The following CDH13 variants were observed in gnomAD, a reference collection of about 807,000 sequenced individuals.
The protein encoded by CDH13 is cadherin-13.
CDH13 carries 24 observed loss-of-function variants against 63.8 expected under a neutral mutation model. The ratio of observed to expected loss-of-function variants is 0.38; its 90% confidence interval spans 0.27 to 0.53. CDH13 has a LOEUF of 0.53. CDH13 is among the 20% of genes least tolerant of loss of function. The probability of loss-of-function intolerance (pLI) is 0.85; values close to 1 mark genes in which losing one functional copy is unlikely to be tolerated. For missense variants in CDH13, 1,049 were observed against 903.1 expected, an observed-to-expected ratio of 1.16 and a Z score of -2.07; for synonymous variants, 503 against 355.3, an observed-to-expected ratio of 1.42 and a Z score of -4.67.
chr16:82,874,529 C>G (rs1172983382), intron 2 of CDH13, among the ~76,000 whole-genome samples: 1 of 151,972 alleles, frequency 6.6e-6, no homozygotes, highest in Non-Finnish European at 1.5e-5. Context: ...ATCCAGGCTT[C>G]TCTTAACTGT....
intron 7 of CDH13, among the ~76,000 whole-genome samples, chr16:83,548,924 C>G (rs1035776741): frequency 6.6e-6 from 1 of 152,190 alleles, no homozygotes; most frequent in African/African-American, 2.4e-5. Context: ...AGAATTTCAT[C>G]TGAGTATTTT....
At chr16:83,091,522 T>A (rs1445932532) in intron 3 of CDH13, among the ~76,000 whole-genome samples, 2 of 152,190 alleles carry the variant, frequency 1.3e-5, no homozygotes, top group Non-Finnish European at 2.9e-5. Context: ...ACTGCCTTCA[T>A]TCCTTGGGGA....
intron 8 of CDH13, among the ~76,000 whole-genome samples, chr16:83,625,840 A>G (rs1598387410): frequency 6.6e-6 from 1 of 152,126 alleles, no homozygotes; most frequent in South Asian, 2.1e-4. Context: ...AGGTCGGCCT[A>G]CCCTTTTACG....
At chr16:83,365,790 C>G (rs542196955) in intron 6 of CDH13, among the ~76,000 whole-genome samples, 210 of 152,228 alleles carry the variant, frequency 1.4e-3, no homozygotes, top group African/African-American at 4.7e-3. Context: ...TTCTGAGATC[C>G]TGAGGATTCA....
chr16:82,854,989 T>A lies in CDH13; in HGVS notation c.46-3373T>A, dbSNP rs137972925. ...TATTTGTGAATGAGGAGTGAGTGAA[T>A]GAATGAATGATTTGACTAATTCTTA... On this transcript the variant is annotated intron_variant, in intron 1 of 13. Transcript: ENST00000567109. Among the ~76,000 whole-genome samples, 384 of 152,270 alleles carry A rather than the reference T, an allele frequency of 2.5e-3. 1 individual carries two copies. The highest frequency in any genetic ancestry group is 8.8e-3 in the African/African-American group (367 of 41,548).
intron 1 of CDH13, among the ~76,000 whole-genome samples, chr16:82,627,828 C>A (rs990458975): frequency 6.6e-6 from 1 of 152,258 alleles, no homozygotes; most frequent in Non-Finnish European, 1.5e-5. Flanking sequence ...CAGGCCCCAG[C>A]CCCCCGCACC....
chr16:82,786,661 C>G (rs959105628), intron 1 of CDH13, among the ~76,000 whole-genome samples: 4 of 118,004 alleles, frequency 3.4e-5, no homozygotes, highest in Admixed American at 2.0e-4. Flanking sequence ...CCCCTCCCCC[C>G]ACCCCACAAC....
rs1246430792 is a variant in CDH13, at chr16:83,411,066, G to A, written c.781+66060G>A. Among the ~76,000 whole-genome samples the A allele has an allele frequency of 4.6e-5, 7 of 152,272 alleles. 1 individual carries two copies. The highest frequency in any genetic ancestry group is 4.4e-5 in the Non-Finnish European group (3 of 68,020). On this transcript the variant is annotated intron_variant, in intron 6 of 13. Transcript: ENST00000567109. ...TGCTTCATGCTGATCCATCCATAGC[G>A]GTCGTGGTCCACACTCCAGCCCTCC...
chr16:83,740,502 T>C (rs192749097), intron 10 of CDH13, among the ~76,000 whole-genome samples: 2 of 152,274 alleles, frequency 1.3e-5, no homozygotes, highest in Admixed American at 6.5e-5. Context: ...GATGATTCTC[T>C]TGGGCATGAT....
intron 8 of CDH13, among the ~76,000 whole-genome samples, chr16:83,614,256 G>A (rs1393875035): frequency 6.6e-6 from 1 of 152,164 alleles, no homozygotes; most frequent in East Asian, 1.9e-4. Flanking sequence ...GTTTGTGGTG[G>A]GACTCAGGCT....
intron 1 of CDH13, among the ~76,000 whole-genome samples, chr16:82,809,295 T>C (rs1351633353): frequency 1.6e-5 from 2 of 126,672 alleles, no homozygotes; most frequent in Non-Finnish European, 3.3e-5. Context: ...TTTGACCACC[T>C]CTCAAGTTAT....
At chr16:83,691,071 CGTGTGTGTGTGTGTGTGTGTGTGTGT>C (rs58023339) in intron 10 of CDH13, among the ~76,000 whole-genome samples, 1 of 140,912 alleles carries the variant, frequency 7.1e-6, no homozygotes, top group African/African-American at 2.7e-5. Flanking sequence ...CCAACTGTGC[CGTGTGTGTGTGTGTGTGTGTGTGTGT>C]GTGTGTGTGT....
At chr16:83,102,920 T>TCTTTTTCTTTTTTTTTTTTC in intron 3 of CDH13, among the ~76,000 whole-genome samples, 1 of 108,250 alleles carries the variant, frequency 9.2e-6, no homozygotes, top group East Asian at 2.8e-4. Context: ...TCTTTTTTTT[T>TCTTTTTCTTTTTTTTTTTTC]TTTCTTTTTC....
At chr16:83,653,507 A>G (rs1912583327) in intron 8 of CDH13, among the ~76,000 whole-genome samples, 1 of 152,164 alleles carries the variant, frequency 6.6e-6, no homozygotes. Flanking sequence ...TTCTAGGGAA[A>G]AAAAACTCAC....
intron 3 of CDH13, among the ~76,000 whole-genome samples, chr16:83,053,338 C>A (rs1400779431): frequency 6.6e-6 from 1 of 151,984 alleles, no homozygotes; most frequent in South Asian, 2.1e-4. Flanking sequence ...TCCTTTCTTC[C>A]CTTCTTTCTT....
chr16:83,333,646 A>G (rs1183360932), intron 5 of CDH13, among the ~76,000 whole-genome samples: 1 of 152,154 alleles, frequency 6.6e-6, no homozygotes, highest in African/African-American at 2.4e-5. Context: ...ATGCTCATTT[A>G]TCTTTTTATT....
chr16:83,525,576 G>T (rs543188479), intron 7 of CDH13, among the ~76,000 whole-genome samples: 3 of 152,290 alleles, frequency 2.0e-5, no homozygotes, highest in South Asian at 2.1e-4. Flanking sequence ...AGACCTTGTC[G>T]TGTGAACCTC....
intron 5 of CDH13, among the ~76,000 whole-genome samples, chr16:83,238,134 G>A (rs4782759): frequency 1 from 151,551 of 152,242 alleles, 75,435 homozygotes; most frequent in Non-Finnish European, 1. Flanking sequence ...TCGTCCATTA[G>A]GTATGAACTG....
intron 10 of CDH13, among the ~76,000 whole-genome samples, chr16:83,736,628 C>T (rs562211863): frequency 5.4e-4 from 82 of 151,264 alleles, no homozygotes; most frequent in African/African-American, 1.8e-3. Flanking sequence ...GCTGTATTCA[C>T]GTAGGTTTCA....
Sources: gnomAD v4.1 joint callset for allele counts (sites outside exome capture counted in the v4.1 genomes callset) on GRCh38, gnomAD v4.1.1 for gene constraint, MANE v1.5 for transcripts, NCBI Gene and HGNC (gene_info 2026-07-23, HGNC 2026-07-21) for gene names.